The following GNA11 variants were observed in gnomAD, a reference collection of about 807,000 sequenced individuals.
The protein encoded by GNA11 is guanine nucleotide-binding protein subunit alpha-11.
Under a neutral mutation model 38.2 loss-of-function variants are expected in GNA11, and 8 were observed. The ratio of observed to expected loss-of-function variants is 0.21; its 90% CI spans 0.12 to 0.38. GNA11 has a LOEUF of 0.38. Among genes scored for constraint, GNA11 ranks in the 10% least tolerant of loss-of-function variants. GNA11 has a pLI of 1.00. For missense variants in GNA11, 268 were observed against 516.3 expected, an observed-to-expected ratio of 0.52 and a Z score of 4.66; for synonymous variants, 211 against 221.4, an observed-to-expected ratio of 0.95 and a Z score of 0.42.
rs1913756079 is a variant in GNA11 at position 3,110,766 on chromosome 19, T to G, written c.321+433T>G. Among the ~76,000 whole-genome samples, 1 of 151,852 alleles carries G rather than the reference T, an allele frequency of 6.6e-6. No homozygotes were observed. The highest frequency in any genetic ancestry group is 2.4e-5 in the African/African-American group (1 of 41,360). On this transcript the variant is annotated intron_variant, in intron 2 of 6. Transcript: ENST00000078429. This position sits in a 1 kb window ranked among gnomAD's most constrained non-coding sequence, Gnocchi z 5.4. Reference sequence around the variant, plus strand: ...TGACACTCACCCATGGGGCTGTACTTCTCACCTTCTCACACTGTTTTTTTG... The same window carrying G: ...TGACACTCACCCATGGGGCTGTACTGCTCACCTTCTCACACTGTTTTTTTG...
intron 3 of GNA11, 142 bp from the exon 4 acceptor site, chr19:3,114,802 T>C (rs1193292879): frequency 9.2e-6 from 7 of 760,242 alleles, no homozygotes; most frequent in Non-Finnish European, 1.5e-5. Flanking sequence ...TCCGGGCTGC[T>C]TCAGACACTG....
intron 2 of GNA11, among the ~76,000 whole-genome samples, chr19:3,111,371 G>C (rs1913770706): frequency 6.6e-6 from 1 of 151,780 alleles, no homozygotes; most frequent in African/African-American, 2.4e-5. Flanking sequence ...TCCTGCCTCT[G>C]TGGATCGGTC....
At chr19:3,111,001 C>T (rs983748723) in intron 2 of GNA11, among the ~76,000 whole-genome samples, 1 of 152,046 alleles carries the variant, frequency 6.6e-6, no homozygotes, top group African/African-American at 2.4e-5. Flanking sequence ...ACCATGTTGC[C>T]CAGGCTGGTC....
rs1267810896 is a variant in GNA11, at chr19:3,109,619, A to G, written c.137-530A>G. 3.3e-5 allele frequency among the ~76,000 whole-genome samples: 5 copies of G among 152,290 alleles called. No individual in the cohort carries two copies. The East Asian group carries it at 9.7e-4, about 29-fold the overall frequency. ...AGAGCCTCGTGGGTGCTTGGTGCGC[A>G]GGGGGCAGTGTGGCCGTGGCCGCTG... On this transcript the variant is annotated intron_variant, in intron 1 of 6. Coordinates refer to ENST00000078429, the MANE Select transcript of GNA11 (RefSeq NM_002067.5).
At chr19:3,100,325 G>T (rs1262170599) in intron 1 of GNA11, among the ~76,000 whole-genome samples, 1 of 152,204 alleles carries the variant, frequency 6.6e-6, no homozygotes, top group Non-Finnish European at 1.5e-5. Context: ...CCCAGACATC[G>T]CCTAGTGTCC....
rs975161429 is a variant in GNA11, at chr19:3,110,958, T to C, written c.321+625T>C. 4.6e-5 allele frequency among the ~76,000 whole-genome samples: 7 copies of C among 152,142 alleles called. No individual in the cohort carries two copies. The highest frequency in any genetic ancestry group is 9.7e-5 in the African/African-American group (4 of 41,422). The stretch of plus-strand genomic sequence containing the variant: ...CTGCAGGTGCATCACCACGCCTAGC[T>C]AATTTTTGTATTTTTTGTAGAGATG... On this transcript the variant is annotated intron_variant, in intron 2 of 6. Coordinates refer to ENST00000078429, the MANE Select transcript of GNA11 (RefSeq NM_002067.5). The surrounding 1 kb of genome is among the most constrained non-coding windows in gnomAD (Gnocchi z 5.4).
chr19:3,095,484 C>T (rs1197036536), intron 1 of GNA11, among the ~76,000 whole-genome samples: 1 of 150,588 alleles, frequency 6.6e-6, no homozygotes, highest in Non-Finnish European at 1.5e-5. Flanking sequence ...GCCCTGTACA[C>T]TCCATGCAGG....
Position 3,106,808 on chromosome 19 carries a change from T to C in GNA11, c.137-3341T>C, listed in dbSNP as rs1913651154. Among the ~76,000 whole-genome samples, 3 of 152,242 alleles carry C rather than the reference T, an allele frequency of 2.0e-5. No individual in the cohort carries two copies. The South Asian group carries it at 6.2e-4, about 31-fold the overall frequency. ...GTGCATATATGCACGTTAATGCATATGTATGTGTGCATGCCTGGGTGCATA... is the reference window on the plus strand; with the variant it reads ...GTGCATATATGCACGTTAATGCATACGTATGTGTGCATGCCTGGGTGCATA... On this transcript the variant is annotated intron_variant, in intron 1 of 6. Coordinates refer to ENST00000078429, the MANE Select transcript of GNA11 (RefSeq NM_002067.5).
At chr19:3,095,479 G>A (rs1461455310) in intron 1 of GNA11, among the ~76,000 whole-genome samples, 3 of 151,460 alleles carry the variant, frequency 2.0e-5, no homozygotes, top group Non-Finnish European at 4.4e-5. Context: ...GCAGAGCCCT[G>A]TACACTCCAT....
intron 2 of GNA11, among the ~76,000 whole-genome samples, 193 bp from the exon 3 acceptor site, chr19:3,113,137 G>C (rs972838764): frequency 6.6e-6 from 1 of 152,266 alleles, no homozygotes; most frequent in African/African-American, 2.4e-5. Context: ...GGCCTTGTTC[G>C]GAGGAACCAC....
rs200558606 is a variant in GNA11, at chr19:3,119,383, A to G, written c.889+24A>G. ...TGGTGCGCCGGGCTGCGGCATGGGGAGGGGCTCGCGGGCAGGGCCTTACTG... is the reference window on the plus strand; with the variant it reads ...TGGTGCGCCGGGCTGCGGCATGGGGGGGGGCTCGCGGGCAGGGCCTTACTG... On this transcript the variant is annotated intron_variant, in intron 6 of 6. Transcript: ENST00000078429. This position sits in a 1 kb window ranked among gnomAD's most constrained non-coding sequence, Gnocchi z 4.6. 3.5e-4 allele frequency: 565 copies of G among 1,595,948 alleles called. 3 individuals are homozygous for G. The African/African-American group carries it at 6.9e-3, about 19-fold the overall frequency.
chr19:3,122,069 C>T lies in GNA11; in HGVS notation c.*890C>T, dbSNP rs566775413. On this transcript the variant is annotated 3_prime_UTR_variant, in exon 7 of 7. Transcript: ENST00000078429. This position sits in a 1 kb window ranked among gnomAD's most constrained non-coding sequence, Gnocchi z 7.7. ...CACGGCCACCCTGCCCTGGCTAGAGCGCACCCCACCGGAGCCCACGTGGGC... is the reference window on the plus strand; with the variant it reads ...CACGGCCACCCTGCCCTGGCTAGAGTGCACCCCACCGGAGCCCACGTGGGC... 8.6e-6 allele frequency: 2 copies of T among 233,242 alleles called. No individual in the cohort carries two copies. The highest frequency in any genetic ancestry group is 1.7e-5 in the Non-Finnish European group (2 of 117,810). The allele number at this position is 233,242 out of a possible 1,614,324, so 14.4% of individuals were successfully genotyped here.
At chr19:3,096,770 G>C (rs1053381745) in intron 1 of GNA11, among the ~76,000 whole-genome samples, 8 of 151,374 alleles carry the variant, frequency 5.3e-5, no homozygotes, top group Non-Finnish European at 1.2e-4. Flanking sequence ...GGAGGTTGCT[G>C]TCAGGCTCAG....
Position 3,110,165 on chromosome 19 carries a change from G to T in GNA11, c.153G>T (p.Gly51=), listed in dbSNP as rs1913736289. The change falls in exon 2 of 7, where the codon GGG becomes GGT. Residue 51 remains glycine, a synonymous_variant. Coordinates refer to ENST00000078429, the MANE Select transcript of GNA11 (RefSeq NM_002067.5). The surrounding 1 kb of genome is among the most constrained non-coding windows in gnomAD (Gnocchi z 5.4). ...KLLLLGTGES[G]KSTFIKQMRI... ...GTCCCCCAGGCACGGGCGAGAGCGG[G>T]AAGAGCACGTTCATCAAGCAGATGC... The T allele has an allele frequency of 6.2e-7, 1 of 1,610,942 alleles. No homozygotes were observed. The highest frequency in any genetic ancestry group is 8.5e-7 in the Non-Finnish European group (1 of 1,178,834).
chr19:3,114,903 A>AC (rs1462340964), intron 3 of GNA11, 41 bp from the exon 4 acceptor site: 26 of 1,537,822 alleles, frequency 1.7e-5, no homozygotes, highest in African/African-American at 4.2e-5. Flanking sequence ...CTGCCCCCCC[A>AC]CCCCCGGCAG....
At chr19:3,099,816 G>C (rs966531018) in intron 1 of GNA11, among the ~76,000 whole-genome samples, 1 of 152,184 alleles carries the variant, frequency 6.6e-6, no homozygotes, top group African/African-American at 2.4e-5. Flanking sequence ...GTGGGTCTTC[G>C]GGCCACCTGC....
rs1599309054 is a variant in GNA11, at chr19:3,121,426, T to C, written c.*247T>C. 6.2e-6 allele frequency: 2 copies of C among 321,064 alleles called. No homozygotes were observed. Among genetic ancestry groups the C allele is most frequent in the South Asian group, 2.8e-4 (2 of 7,028 alleles). The allele number at this position is 321,064 out of a possible 1,614,324, so 19.9% of individuals were successfully genotyped here. On this transcript the variant is annotated 3_prime_UTR_variant, in exon 7 of 7. Transcript: ENST00000078429. Reference sequence around the variant, plus strand: ...GTCAACGGCAAAGGCAGCCTTTTTCTGGCCTTGACTTATGGCTCGCTTTTT... The same window carrying C: ...GTCAACGGCAAAGGCAGCCTTTTTCCGGCCTTGACTTATGGCTCGCTTTTT...
Position 3,110,941 on chromosome 19 carries a change from G to A in GNA11, c.321+608G>A, listed in dbSNP as rs1315718145. Among the ~76,000 whole-genome samples the A allele has an allele frequency of 6.6e-6, 1 of 152,136 alleles. No individual in the cohort carries two copies. Among genetic ancestry groups the A allele is most frequent in the Non-Finnish European group, 1.5e-5 (1 of 68,028 alleles). Reference sequence around the variant, plus strand: ...CTCCCGGGTAGCTGGGACTGCAGGTGCATCACCACGCCTAGCTAATTTTTG... The same window carrying A: ...CTCCCGGGTAGCTGGGACTGCAGGTACATCACCACGCCTAGCTAATTTTTG... On this transcript the variant is annotated intron_variant, in intron 2 of 6. Transcript: ENST00000078429. The surrounding 1 kb of genome is among the most constrained non-coding windows in gnomAD (Gnocchi z 5.4).
intron 1 of GNA11, among the ~76,000 whole-genome samples, chr19:3,105,061 G>T (rs1365770773): frequency 6.6e-6 from 1 of 150,948 alleles, no homozygotes; most frequent in Non-Finnish European, 1.5e-5. Context: ...AGCGGGACCG[G>T]TGGTGGGTGT....
Sources: allele counts gnomAD v4.1 joint callset (sites outside exome capture counted in the v4.1 genomes callset), GRCh38; gene constraint gnomAD v4.1.1; non-coding constraint Gnocchi (gnomAD v3.1); transcripts MANE v1.5; gene names NCBI Gene and HGNC (gene_info 2026-07-23, HGNC 2026-07-21).